The following NRL variants were observed in gnomAD, a reference collection of about 807,000 sequenced individuals.
NRL encodes neural retina-specific leucine zipper protein.
Under a neutral mutation model 12.5 loss-of-function variants are expected in NRL, and 16 were observed. That is an observed-to-expected ratio of 1.28 (90% CI 0.87 to 1.95). The LOEUF is 1.95. Ranked by LOEUF, NRL falls within the 30% of genes most tolerant of loss-of-function variation. The probability of loss-of-function intolerance (pLI) is 0.00; values close to 1 mark genes in which losing one functional copy is unlikely to be tolerated. For synonymous variants in NRL, 142 were observed against 150.9 expected (o/e 0.94, Z 0.43); for missense variants, 314 against 325.8 (o/e 0.96, Z 0.28).
Position 24,079,755 on chromosome 14 carries a change from G to A in NRL, c.*1481C>T, listed in dbSNP as rs543920649. ...GGTAGAGGACAGATGACAGTAACTC[G>A]TGAGGCGGCTGCTCCCAGCACAACG... On this transcript the variant is annotated 3_prime_UTR_variant, in exon 3 of 3. Coordinates refer to ENST00000561028, the MANE Select transcript of NRL (RefSeq NM_001354768.3). 3.9e-5 allele frequency among the ~76,000 whole-genome samples: 6 copies of A among 152,344 alleles called. No homozygotes were observed. The highest frequency in any genetic ancestry group is 1.9e-4 in the East Asian group (1 of 5,188).
intron 1 of NRL, chr14:24,100,475 C>G (rs551653049): frequency 1.2e-6 from 1 of 832,382 alleles, no homozygotes; most frequent in South Asian, 2.6e-5. Context: ...TGTGATAGTA[C>G]CTATCTCATG....
chr14:24,104,406 G>A (rs1279126660), intron 1 of NRL, among the ~76,000 whole-genome samples: 1 of 151,166 alleles, frequency 6.6e-6, no homozygotes, highest in Non-Finnish European at 1.5e-5. Context: ...GAGGCGCACA[G>A]ATCACGAGGT....
chr14:24,095,631 G>A (rs1469971678), intron 1 of NRL, among the ~76,000 whole-genome samples: 2 of 151,902 alleles, frequency 1.3e-5, no homozygotes, highest in Non-Finnish European at 2.9e-5. Flanking sequence ...ACGGGGTCAC[G>A]TGGTCCTGGG....
At chr14:24,104,414 G>A (rs1402221934) in intron 1 of NRL, among the ~76,000 whole-genome samples, 1 of 151,670 alleles carries the variant, frequency 6.6e-6, no homozygotes, top group African/African-American at 2.4e-5. Flanking sequence ...CAGATCACGA[G>A]GTCAGGGGAT....
At chr14:24,105,524 T>C (rs2037323769) in intron 1 of NRL, among the ~76,000 whole-genome samples, 1 of 152,250 alleles carries the variant, frequency 6.6e-6, no homozygotes, top group East Asian at 1.9e-4. Flanking sequence ...TGTCCAAAGC[T>C]TCACAGTTAG....
At chr14:24,111,621 C>A (rs1259792734) in intron 1 of NRL, among the ~76,000 whole-genome samples, 1 of 152,096 alleles carries the variant, frequency 6.6e-6, no homozygotes, top group Non-Finnish European at 1.5e-5. Flanking sequence ...CCCGCCTTGG[C>A]CTCCCAAAGT....
intron 1 of NRL, among the ~76,000 whole-genome samples, chr14:24,086,069 T>G (rs2036458076): frequency 6.6e-6 from 1 of 152,064 alleles, no homozygotes; most frequent in Admixed American, 6.5e-5. Flanking sequence ...ATACAAAAAT[T>G]AGCTGGGCAT....
In NRL at chr14:24,099,188, C is replaced by T. The variant is rs140662988; in HGVS notation, c.-28+15534G>A. Reference sequence around the variant, plus strand: ...GCAAGAAGTGCTTTGCCCTACGCATCGCCTCTCGGCTGGCCCGGGATGAGG... The same window carrying T: ...GCAAGAAGTGCTTTGCCCTACGCATTGCCTCTCGGCTGGCCCGGGATGAGG... On this transcript the variant is annotated intron_variant, in intron 1 of 2. Transcript: ENST00000561028. 11 of 1,605,668 alleles carry T rather than the reference C, an allele frequency of 6.9e-6. No individual in the cohort carries two copies. The East Asian group carries it at 1.1e-4, about 16-fold the overall frequency.
rs745540656 is a variant in NRL at position 24,081,863 on chromosome 14, C to T, written c.382-295G>A. On this transcript the variant is annotated intron_variant, in intron 2 of 2. Coordinates refer to ENST00000561028, the MANE Select transcript of NRL (RefSeq NM_001354768.3). The surrounding 1 kb of genome is among the most constrained non-coding windows in gnomAD (Gnocchi z 4.4). ...AAACCCCGGGCTCGTCTCTGGGATC[C>T]CCGGCATCCAGCTCCAGGCCCGGGT... 26 of 1,368,884 alleles carry T rather than the reference C, an allele frequency of 1.9e-5. No individual in the cohort carries two copies. The highest frequency in any genetic ancestry group is 3.0e-5 in the Admixed American group (1 of 32,908). 84.8% of individuals were successfully genotyped at this position (1,368,884 alleles called of 1,614,324 possible).
rs1461837882 is a variant in NRL, at chr14:24,081,836, C to G, written c.382-268G>C. On this transcript the variant is annotated intron_variant, in intron 2 of 2. Coordinates refer to ENST00000561028, the MANE Select transcript of NRL (RefSeq NM_001354768.3). This position sits in a 1 kb window ranked among gnomAD's most constrained non-coding sequence, Gnocchi z 4.4. Reference sequence around the variant, plus strand: ...ACGGTCAGGCGAGCCCGTCGCGCACCTAAACCCCGGGCTCGTCTCTGGGAT... The same window carrying G: ...ACGGTCAGGCGAGCCCGTCGCGCACGTAAACCCCGGGCTCGTCTCTGGGAT... 1 of 1,418,422 alleles carries G rather than the reference C, an allele frequency of 7.1e-7. No homozygotes were observed. 87.9% of individuals were successfully genotyped at this position (1,418,422 alleles called of 1,614,324 possible).
chr14:24,082,197 C>T (rs750544470), intron 2 of NRL, among the ~76,000 whole-genome samples: 1 of 152,228 alleles, frequency 6.6e-6, no homozygotes, highest in Non-Finnish European at 1.5e-5. Context: ...GCCCACTCCC[C>T]AGCTCAATTC....
intron 1 of NRL, among the ~76,000 whole-genome samples, chr14:24,113,720 C>T (rs749026827): frequency 5.1e-4 from 77 of 152,248 alleles, no homozygotes; most frequent in Non-Finnish European, 9.0e-4. Flanking sequence ...AAGCTCAGGT[C>T]TCCGGATCTA....
At chr14:24,098,924 T>C in intron 1 of NRL, 1 of 792,332 alleles carries the variant, frequency 1.3e-6, no homozygotes, top group Non-Finnish European at 2.1e-6. Flanking sequence ...GGTGGGGGGC[T>C]TCAGCCACCT....
At chr14:24,096,575 C>A (rs948070824) in intron 1 of NRL, among the ~76,000 whole-genome samples, 1 of 152,150 alleles carries the variant, frequency 6.6e-6, no homozygotes, top group African/African-American at 2.4e-5. Flanking sequence ...AACAGTTAAA[C>A]ATGGGCATGG....
intron 1 of NRL, chr14:24,103,691 G>C (rs1397305418): frequency 6.2e-7 from 1 of 1,614,190 alleles, no homozygotes; most frequent in East Asian, 2.2e-5. Context: ...GCTTTGGGGA[G>C]AATGCTCGGG....
In NRL at chr14:24,079,299, G is replaced by C. The variant is rs2036207955; in HGVS notation, c.*1937C>G. ...GTAGTGGGTCTGAATTACAGCTCCA[G>C]GGCAGGCAAGGATAGACACAGGTGA... On this transcript the variant is annotated 3_prime_UTR_variant, in exon 3 of 3. Coordinates refer to ENST00000561028, the MANE Select transcript of NRL (RefSeq NM_001354768.3). 6.6e-6 allele frequency among the ~76,000 whole-genome samples: 1 copy of C among 152,204 alleles called. No homozygotes were observed.
intron 1 of NRL, among the ~76,000 whole-genome samples, chr14:24,096,174 C>T (rs1201274306): frequency 3.3e-5 from 5 of 150,922 alleles, no homozygotes; most frequent in African/African-American, 9.7e-5. Context: ...ATGAAATTGT[C>T]ACCTGGGCCC....
intron 1 of NRL, chr14:24,098,595 TG>T (rs1225370505): frequency 6.2e-7 from 1 of 1,613,982 alleles, no homozygotes; most frequent in African/African-American, 1.3e-5. Flanking sequence ...ATGACCCGAC[TG>T]GGGACACCTG....
At chr14:24,101,726 C>T (rs1408847338) in intron 1 of NRL, among the ~76,000 whole-genome samples, 1 of 152,140 alleles carries the variant, frequency 6.6e-6, no homozygotes, top group East Asian at 1.9e-4. Context: ...AGTTCGAGAC[C>T]AGCCTGGCAA....
Sources: gnomAD v4.1 joint callset for allele counts (sites outside exome capture counted in the v4.1 genomes callset) on GRCh38, gnomAD v4.1.1 for gene constraint, Gnocchi (gnomAD v3.1) non-coding constraint, MANE v1.5 for transcripts, NCBI Gene and HGNC (gene_info 2026-07-23, HGNC 2026-07-21) for gene names.